Variants in PTPRS observed in about 807,000 individuals in gnomAD.
PTPRS encodes receptor-type tyrosine-protein phosphatase S.
PTPRS carries 63 observed loss-of-function variants against 215.3 expected under a neutral mutation model. The observed-to-expected ratio is 0.29, with a 90% CI of 0.24 to 0.36. PTPRS has a LOEUF of 0.36. PTPRS is among the 10% of genes least tolerant of loss of function. The probability of loss-of-function intolerance (pLI) is 1.00; values close to 1 mark genes in which losing one functional copy is unlikely to be tolerated. For synonymous variants in PTPRS, 1,404 were observed against 1,191.4 expected, an observed-to-expected ratio of 1.18 and a Z score of -3.68; for missense variants, 2,258 against 2,825.8, an observed-to-expected ratio of 0.80 and a Z score of 4.56.
chr19:5,206,959 G>C, intron 37 of PTPRS, 117 bp from the exon 38 acceptor site: 1 of 885,548 alleles, frequency 1.1e-6, no homozygotes, highest in East Asian at 2.6e-5. Context: ...CTTGCAGAAG[G>C]TCTCTTTGGC....
chr19:5,206,990 G>GAAGT, intron 37 of PTPRS, 148 bp from the exon 38 acceptor site: 1 of 675,818 alleles, frequency 1.5e-6, no homozygotes, highest in South Asian at 1.8e-5. Flanking sequence ...CTCCCACAAT[G>GAAGT]AAGTGAGCTA....
chr19:5,222,296 CGGGGT>C (rs758547076), intron 18 of PTPRS, 76 bp from the exon 19 acceptor site: 28 of 1,293,452 alleles, frequency 2.2e-5, no homozygotes, highest in Admixed American at 1.4e-4. Context: ...TGGCGTGAAG[CGGGGT>C]GGGGTGGGGC....
At position 5,293,808 on chromosome 19, in the gene PTPRS, G is replaced by A. The variant is rs1194402603; in HGVS notation, c.-94-7574C>T. On this transcript the variant is annotated intron_variant, in intron 1 of 37. Transcript: ENST00000262963. This position sits in a 1 kb window ranked among gnomAD's most constrained non-coding sequence, Gnocchi z 8.4. ...TGGGGGTCCAGGGGAATGAATGGGG[G>A]GACACCGTGGCAGAGGCCCCCACCC... Among the ~76,000 whole-genome samples, 3 of 152,156 alleles carry A rather than the reference G, an allele frequency of 2.0e-5. No individual in the cohort carries two copies. The highest frequency in any genetic ancestry group is 7.2e-5 in the African/African-American group (3 of 41,446).
Position 5,287,145 on chromosome 19 carries a change from T to C in PTPRS, c.-94-911A>G, listed in dbSNP as rs936605918. Among the ~76,000 whole-genome samples, 2 of 152,024 alleles carry C rather than the reference T, an allele frequency of 1.3e-5. No homozygotes were observed. Among genetic ancestry groups the C allele is most frequent in the Admixed American group, 1.3e-4 (2 of 15,268 alleles). On this transcript the variant is annotated intron_variant, in intron 1 of 37. Coordinates refer to ENST00000262963, the MANE Select transcript of PTPRS (RefSeq NM_002850.4). This position sits in a 1 kb window ranked among gnomAD's most constrained non-coding sequence, Gnocchi z 4.8. ...GGAGGTACAGCCAGGCCAGCCAAGC[T>C]CAGTCCCACCTCCAAGCCTTTGCTT...
intron 4 of PTPRS, among the ~76,000 whole-genome samples, chr19:5,268,671 G>A (rs2046638223): frequency 6.6e-6 from 1 of 152,178 alleles, no homozygotes; most frequent in South Asian, 2.1e-4. Context: ...GGAAAGCCCT[G>A]AGCACTAACA....
chr19:5,234,120 G>A (rs2043239903), intron 13 of PTPRS, among the ~76,000 whole-genome samples: 1 of 152,022 alleles, frequency 6.6e-6, no homozygotes, highest in Admixed American at 6.6e-5. Context: ...TGTAGGTCAG[G>A]CATGGTGCCA....
chr19:5,248,968 G>A (rs766272133), intron 9 of PTPRS, among the ~76,000 whole-genome samples: 1 of 152,240 alleles, frequency 6.6e-6, no homozygotes, highest in Non-Finnish European at 1.5e-5. Flanking sequence ...CAGGGGCTGG[G>A]ACGATCAAAC....
intron 14 of PTPRS, among the ~76,000 whole-genome samples, chr19:5,229,887 G>C (rs1275271123): frequency 6.9e-6 from 1 of 145,610 alleles, no homozygotes; most frequent in Non-Finnish European, 1.5e-5. Context: ...CTGAAGGTGC[G>C]CCCCATGGAT....
intron 4 of PTPRS, among the ~76,000 whole-genome samples, chr19:5,267,536 A>T (rs1373864256): frequency 6.6e-6 from 1 of 151,912 alleles, no homozygotes; most frequent in Non-Finnish European, 1.5e-5. Context: ...GGACGCCTGT[A>T]ATCCCAGTTC....
At position 5,214,545 on chromosome 19, in the gene PTPRS, G is replaced by A; in HGVS notation, c.4494+16C>T. 1 of 1,612,090 alleles carries A rather than the reference G, an allele frequency of 6.2e-7. No homozygotes were observed. Among genetic ancestry groups the A allele is most frequent in the Non-Finnish European group, 8.5e-7 (1 of 1,178,756 alleles). ...TGACTGGCAGGGGCTTGAGGGCCGT[G>A]GGGTCCAAGGCTCACCCGTGACTTC... On this transcript the variant is annotated intron_variant, in intron 29 of 37. Coordinates refer to ENST00000262963, the MANE Select transcript of PTPRS (RefSeq NM_002850.4).
intron 1 of PTPRS, among the ~76,000 whole-genome samples, chr19:5,315,368 T>G (rs1308356677): frequency 7.7e-6 from 1 of 130,162 alleles, no homozygotes; most frequent in East Asian, 2.1e-4. Flanking sequence ...TTTTTTTTTT[T>G]TTTTTTTTTT....
intron 37 of PTPRS, among the ~76,000 whole-genome samples, chr19:5,207,312 T>G (rs2040451465): frequency 1.3e-5 from 2 of 152,260 alleles, no homozygotes; most frequent in Non-Finnish European, 2.9e-5. Context: ...CTCAAACTCC[T>G]GACCTCGGGT....
At chr19:5,272,550 A>G (rs1401020176) in intron 4 of PTPRS, among the ~76,000 whole-genome samples, 2 of 136,740 alleles carry the variant, frequency 1.5e-5, no homozygotes, top group African/African-American at 5.4e-5. Flanking sequence ...GTGAGCTGAG[A>G]TAATGCCACT....
At chr19:5,268,044 C>T (rs139333331) in intron 4 of PTPRS, among the ~76,000 whole-genome samples, 3,487 of 152,178 alleles carry the variant, frequency 0.023, 61 homozygotes, top group South Asian at 0.05. Context: ...GTGACGGGCA[C>T]CTGTAGTCCC....
In PTPRS at chr19:5,220,271, C is replaced by G. The variant is rs2041862389; in HGVS notation, c.3538G>C (p.Asp1180His). The G allele has an allele frequency of 1.9e-6, 3 of 1,613,846 alleles. No homozygotes were observed. Among genetic ancestry groups the G allele is most frequent in the Non-Finnish European group, 2.5e-6 (3 of 1,179,934 alleles). ...CCCCAGGCCCTCACCTCTTCCAGAT[C>G]CATGTCCTCTGGGCTACCCAGCGGG... ...LTPLGSPEDMDLEELIQDISR... is the reference protein window; with the variant it reads ...LTPLGSPEDMHLEELIQDISR... Residue 1180 changes from aspartate (D) to histidine (H), a missense_variant, in exon 21 of 38, where the codon GAT becomes CAT. Physicochemically the swap from Asp to His is moderately conservative, Grantham distance 81. This residue lies in a region of PTPRS where 927 missense variants were observed against 1,125.9 expected (regional missense o/e 0.82). Transcript: ENST00000262963.
chr19:5,221,197 G>C lies in PTPRS; in HGVS notation c.3258C>G (p.Ile1086Met). 1.2e-6 allele frequency: 2 copies of C among 1,614,036 alleles called. No homozygotes were observed. The highest frequency in any genetic ancestry group is 1.7e-6 in the Non-Finnish European group (2 of 1,179,990). ...AGAAGGTGTGGGGCTTGAGGTGCGT[G>C]ATGAGCTTCTTGGTGGTACGGCCAT... ...DVDGRTTKKL[I>M]THLKPHTFYN... The change falls in exon 20 of 38, where the codon ATC becomes ATG. Residue 1086 changes from isoleucine (I) to methionine (M), a missense_variant. By Grantham distance (10) the Ile-to-Met change is conservative (BLOSUM62 1). Around this residue, in one of 6 missense-constraint regions of PTPRS, gnomAD observed 927 missense variants for 1,125.9 expected, o/e 0.82. Transcript: ENST00000262963.
chr19:5,299,443 C>T (rs781641265), intron 1 of PTPRS, among the ~76,000 whole-genome samples: 35 of 152,212 alleles, frequency 2.3e-4, no homozygotes, highest in Non-Finnish European at 7.3e-5. Flanking sequence ...CATTCTCCCT[C>T]AAGGATCACC....
chr19:5,234,293 T>C (rs2043256638), intron 13 of PTPRS, among the ~76,000 whole-genome samples: 1 of 152,194 alleles, frequency 6.6e-6, no homozygotes, highest in Non-Finnish European at 1.5e-5. Flanking sequence ...GCCCATGTCT[T>C]GAGCACCTAC....
At chr19:5,252,533 C>T (rs560619347) in intron 9 of PTPRS, among the ~76,000 whole-genome samples, 4 of 138,450 alleles carry the variant, frequency 2.9e-5, no homozygotes, top group East Asian at 4.5e-4. Flanking sequence ...GCCGAGATTG[C>T]GCCACTGTAC....
Sources: gnomAD v4.1 joint callset for allele counts (sites outside exome capture counted in the v4.1 genomes callset) on GRCh38, gnomAD v4.1.1 for gene constraint, gnomAD v4.1.1 regional missense constraint, Gnocchi (gnomAD v3.1) non-coding constraint, MANE v1.5 for transcripts, NCBI Gene and HGNC (gene_info 2026-07-23, HGNC 2026-07-21) for gene names.